Variants in USP39 observed in about 807,000 individuals in gnomAD.
The protein encoded by USP39 is ubiquitin carboxyl-terminal hydrolase 39.
A neutral mutation model predicts 66.4 loss-of-function variants in USP39; 38 were observed. The ratio of observed to expected loss-of-function variants is 0.57; its 90% CI spans 0.44 to 0.75. USP39 has a LOEUF of 0.75. USP39 is among the 30% of genes least tolerant of loss of function. The pLI is 0.00. For synonymous variants in USP39, 303 were observed against 274.6 expected, an observed-to-expected ratio of 1.10 and a Z score of -1.02; for missense variants, 608 against 714.4, an observed-to-expected ratio of 0.85 and a Z score of 1.70.
rs1673959210 is a variant in USP39, at chr2:85,616,466, G to A, written c.268+3G>A. 2 of 1,535,544 alleles carry A rather than the reference G, an allele frequency of 1.3e-6. No individual in the cohort carries two copies. The highest frequency in any genetic ancestry group is 2.4e-5 in the East Asian group (1 of 41,302). On this transcript the variant is annotated splice_donor_region_variant and intron_variant, in intron 1 of 12. Coordinates refer to ENST00000323701, the MANE Select transcript of USP39 (RefSeq NM_006590.4). ...GGAGCCTGAGCGGGAGGTGCGAGGT[G>A]CGCGGGGCCGGGCCGGGCTAGGCGC...
chr2:85,603,022 C>G (rs1205626990), exon 1 of USP39: 1 of 152,264 alleles, frequency 6.6e-6, no homozygotes, highest in African/African-American at 2.4e-5. Flanking sequence ...TCGCCGTGCA[C>G]ATGGCTGGAG....
chr2:85,630,559 A>G (rs537828106), intron 5 of USP39, among the ~76,000 whole-genome samples, 162 bp from the exon 6 acceptor site: 1 of 152,298 alleles, frequency 6.6e-6, no homozygotes, highest in South Asian at 2.1e-4. Flanking sequence ...TATTTCTGTG[A>G]TGTGAGCCTG....
intron 1 of USP39, among the ~76,000 whole-genome samples, chr2:85,604,118 G>A (rs1673121983): frequency 6.6e-6 from 1 of 152,222 alleles, no homozygotes; most frequent in Non-Finnish European, 1.5e-5. Context: ...GTGCTTTAGA[G>A]AAGTAGAGCA....
At chr2:85,627,179 C>G (rs988306011) in intron 5 of USP39, among the ~76,000 whole-genome samples, 1 of 151,988 alleles carries the variant, frequency 6.6e-6, no homozygotes, top group Non-Finnish European at 1.5e-5. Flanking sequence ...TCACTGCAAC[C>G]TCTGCTCCCC....
chr2:85,618,096 A>T (rs917284066), intron 1 of USP39, among the ~76,000 whole-genome samples: 27 of 151,864 alleles, frequency 1.8e-4, no homozygotes, highest in Admixed American at 3.3e-4. Flanking sequence ...CTGGGATTAC[A>T]CGTGCATGCC....
intron 5 of USP39, 97 bp from the exon 6 acceptor site, chr2:85,630,624 A>T: frequency 8.4e-7 from 1 of 1,193,206 alleles, no homozygotes; most frequent in African/African-American, 1.5e-5. Context: ...CATCACAGGC[A>T]CATCACAAAT....
At chr2:85,634,229 G>T (rs1051489253) in intron 6 of USP39, among the ~76,000 whole-genome samples, 4 of 151,880 alleles carry the variant, frequency 2.6e-5, no homozygotes, top group Non-Finnish European at 4.4e-5. Context: ...TTGTTTCAGG[G>T]TTAGTAGGAA....
chr2:85,611,636 G>C (rs772333453), upstream of USP39: 11 of 1,565,308 alleles, frequency 7.0e-6, no homozygotes, highest in South Asian at 2.3e-5. Context: ...AAGAGCGCGC[G>C]GGCTGGAGGC....
At chr2:85,631,291 G>A (rs1383178796) in intron 6 of USP39, among the ~76,000 whole-genome samples, 2 of 151,070 alleles carry the variant, frequency 1.3e-5, no homozygotes, top group African/African-American at 2.4e-5. Flanking sequence ...GGGGATTACA[G>A]GCATGAGCCA....
At chr2:85,609,306 A>G, upstream of USP39, 3 of 1,364,200 alleles carry the variant, frequency 2.2e-6, no homozygotes, top group Non-Finnish European at 3.0e-6. Context: ...ACTGCCCGGC[A>G]GGCCTAGACT....
intron 6 of USP39, among the ~76,000 whole-genome samples, chr2:85,632,815 G>A (rs1286930894): frequency 2.6e-5 from 4 of 152,120 alleles, no homozygotes; most frequent in African/African-American, 4.8e-5. Flanking sequence ...GGAGCATGGA[G>A]TAAGGACCCC....
intron 7 of USP39, 143 bp downstream of exon 7, chr2:85,636,273 G>GC: frequency 2.8e-6 from 2 of 702,624 alleles, no homozygotes; most frequent in Non-Finnish European, 4.7e-6. Context: ...TTTGAGACCG[G>GC]CCTGGCCAAC....
Position 85,636,128 on chromosome 2 carries a change from A to C in USP39, c.1025A>C (p.Lys342Thr). Reference protein sequence around the residue: ...SALGGTKKKKKTIVTDVFQGS... With the variant: ...SALGGTKKKKTTIVTDVFQGS... ...CTGGGGGGCACAAAGAAGAAAAAGA[A>C]GAGTAAGTCATTTACTTATAAAAAG... Residue 342 changes from lysine to threonine, a missense_variant and splice_region_variant, in exon 7 of 13, where the codon AAG becomes ACG. Lys to Thr is a moderately conservative substitution (Grantham distance 78). Transcript: ENST00000323701. The C allele has an allele frequency of 6.2e-7, 1 of 1,613,464 alleles. No individual in the cohort carries two copies. Among genetic ancestry groups the C allele is most frequent in the Non-Finnish European group, 8.5e-7 (1 of 1,179,830 alleles).
chr2:85,640,564 C>T (rs1157140836), intron 9 of USP39, among the ~76,000 whole-genome samples: 1 of 151,570 alleles, frequency 6.6e-6, no homozygotes, highest in Non-Finnish European at 1.5e-5. Flanking sequence ...GTTGGGATTA[C>T]AGGCATGAGC....
intron 6 of USP39, among the ~76,000 whole-genome samples, chr2:85,634,089 G>A (rs1196470688): frequency 1.3e-5 from 2 of 150,736 alleles, no homozygotes; most frequent in African/African-American, 2.4e-5. Context: ...CGTCCGCCTC[G>A]GCCTCCCAAA....
chr2:85,633,876 T>C (rs7594258), intron 6 of USP39, among the ~76,000 whole-genome samples: 51,511 of 124,610 alleles, frequency 0.41, 12,933 homozygotes, highest in African/African-American at 0.72. Context: ...CTCGCTCTGT[T>C]GCCCAGGCTG....
At chr2:85,643,716 C>T (rs139534581) in intron 10 of USP39, among the ~76,000 whole-genome samples, 7,264 of 149,300 alleles carry the variant, frequency 0.049, 215 homozygotes, top group Middle Eastern at 0.1. Flanking sequence ...GGCGTTATCT[C>T]GGCTCACTGC....
At chr2:85,628,183 T>TC (rs569009450) in intron 5 of USP39, among the ~76,000 whole-genome samples, 71 of 152,226 alleles carry the variant, frequency 4.7e-4, no homozygotes, top group African/African-American at 1.6e-3. Flanking sequence ...TCTCGCTCTG[T>TC]CACCCAGGCT....
chr2:85,624,561 G>A (rs148586774), intron 4 of USP39, among the ~76,000 whole-genome samples: 35 of 152,200 alleles, frequency 2.3e-4, no homozygotes, highest in South Asian at 4.2e-4. Flanking sequence ...TGCCTAAGTT[G>A]TTCATGCTCT....
Sources: allele counts gnomAD v4.1 joint callset (sites outside exome capture counted in the v4.1 genomes callset), GRCh38; gene constraint gnomAD v4.1.1; transcripts MANE v1.5; gene names NCBI Gene and HGNC (gene_info 2026-07-23, HGNC 2026-07-21).